The following PLS1 variants were observed in gnomAD, a reference collection of about 807,000 sequenced individuals.
The protein encoded by PLS1 is plastin-1.
A neutral mutation model predicts 73.7 loss-of-function variants in PLS1; 32 were observed. The ratio of observed to expected loss-of-function variants is 0.43; its 90% CI spans 0.33 to 0.58. The LOEUF is 0.58. Ranked by LOEUF, PLS1 falls within the 20% of genes least tolerant of loss-of-function variation. The pLI, the probability that PLS1 is intolerant of heterozygous loss-of-function variation, is 0.04. For missense variants in PLS1, 633 were observed against 740.5 expected, an observed-to-expected ratio of 0.85 and a Z score of 1.68; for synonymous variants, 217 against 261.3, an observed-to-expected ratio of 0.83 and a Z score of 1.63.
At chr3:142,655,831 T>C (rs1371700204) in intron 1 of PLS1, among the ~76,000 whole-genome samples, 1 of 152,122 alleles carries the variant, frequency 6.6e-6, no homozygotes, top group Non-Finnish European at 1.5e-5. Context: ...TGGTGCATAA[T>C]TGAAGTTCTC....
At chr3:142,639,016 C>T (rs1288385565) in intron 1 of PLS1, among the ~76,000 whole-genome samples, 1 of 152,174 alleles carries the variant, frequency 6.6e-6, no homozygotes, top group East Asian at 1.9e-4. Context: ...GCTGGGATTA[C>T]AGGTGTGAGC....
chr3:142,678,613 T>C (rs1428211430), intron 6 of PLS1, among the ~76,000 whole-genome samples: 39 of 151,374 alleles, frequency 2.6e-4, no homozygotes, highest in African/African-American at 8.9e-4. Context: ...CATCATTTTT[T>C]ATGGCTGCAT....
intron 1 of PLS1, among the ~76,000 whole-genome samples, chr3:142,631,236 C>T (rs1009926198): frequency 6.6e-6 from 1 of 151,210 alleles, no homozygotes; most frequent in African/African-American, 2.4e-5. Context: ...AAAAAAAGGC[C>T]AGCATGGTGG....
chr3:142,624,609 G>A (rs1187899928), intron 1 of PLS1, among the ~76,000 whole-genome samples: 2 of 152,204 alleles, frequency 1.3e-5, no homozygotes, highest in Non-Finnish European at 2.9e-5. Flanking sequence ...AAAGAGGCCA[G>A]CTTTTAAAAA....
chr3:142,623,576 T>G (rs1041875435), intron 1 of PLS1: 1 of 152,194 alleles, frequency 6.6e-6, no homozygotes, highest in Non-Finnish European at 1.5e-5. Flanking sequence ...TACAAAAATT[T>G]ATCTCTGTCA....
chr3:142,669,617 A>G (rs1254876436), intron 3 of PLS1, 64 bp downstream of exon 3: 2 of 1,115,020 alleles, frequency 1.8e-6, no homozygotes, highest in Non-Finnish European at 1.3e-6. Context: ...TAGTAATGTC[A>G]TCACTAGCTT....
At chr3:142,701,551 C>T (rs1257485045) in intron 12 of PLS1, among the ~76,000 whole-genome samples, 1 of 152,192 alleles carries the variant, frequency 6.6e-6, no homozygotes, top group African/African-American at 2.4e-5. Flanking sequence ...CATTCTTTCT[C>T]TAGTTTGGTA....
chr3:142,704,209 C>T (rs186538919), intron 13 of PLS1, among the ~76,000 whole-genome samples: 255 of 152,214 alleles, frequency 1.7e-3, no homozygotes, highest in African/African-American at 5.3e-3. Flanking sequence ...AACACTATCA[C>T]TTTTATTAAT....
intron 1 of PLS1, among the ~76,000 whole-genome samples, chr3:142,655,404 T>C (rs943554231): frequency 6.6e-6 from 1 of 152,050 alleles, no homozygotes; most frequent in African/African-American, 2.4e-5. Flanking sequence ...TTTGTTTTTG[T>C]AGGAGATTGT....
At chr3:142,685,280 C>T (rs2037940658) in intron 8 of PLS1, among the ~76,000 whole-genome samples, 1 of 152,202 alleles carries the variant, frequency 6.6e-6, no homozygotes. Flanking sequence ...GGGCATTATG[C>T]CCAGGCGATG....
intron 6 of PLS1, among the ~76,000 whole-genome samples, chr3:142,683,739 A>G (rs2037903779): frequency 6.6e-6 from 1 of 152,216 alleles, no homozygotes; most frequent in Admixed American, 6.5e-5. Context: ...ACATCCAGGT[A>G]GACATAACCA....
intron 11 of PLS1, among the ~76,000 whole-genome samples, chr3:142,697,390 G>C (rs543311669): frequency 6.6e-6 from 1 of 152,198 alleles, no homozygotes; most frequent in South Asian, 2.1e-4. Flanking sequence ...AAGTATGTAA[G>C]TATATGGAAT....
At chr3:142,667,004 G>A (rs1224942749) in intron 2 of PLS1, among the ~76,000 whole-genome samples, 2 of 152,154 alleles carry the variant, frequency 1.3e-5, no homozygotes, top group Non-Finnish European at 2.9e-5. Flanking sequence ...TTGTCGAGTT[G>A]TAAGAAAGTC....
At chr3:142,604,870 G>A (rs1186842478) in intron 1 of PLS1, among the ~76,000 whole-genome samples, 2 of 151,534 alleles carry the variant, frequency 1.3e-5, no homozygotes, top group Non-Finnish European at 2.9e-5. Flanking sequence ...GGGAGGCAGA[G>A]CTTGCAGTGA....
chr3:142,655,899 A>G, intron 1 of PLS1, among the ~76,000 whole-genome samples: 1 of 152,234 alleles, frequency 6.6e-6, no homozygotes, highest in African/African-American at 2.4e-5. Context: ...TGAAAATAAA[A>G]TTGTCTTTTT....
intron 1 of PLS1, among the ~76,000 whole-genome samples, chr3:142,615,287 G>A (rs1433060640): frequency 6.6e-6 from 1 of 152,112 alleles, no homozygotes; most frequent in African/African-American, 2.4e-5. Context: ...GGTGGTAAAA[G>A]CATGTTCCAC....
At chr3:142,600,140 T>G in intron 1 of PLS1, among the ~76,000 whole-genome samples, 1 of 152,050 alleles carries the variant, frequency 6.6e-6, no homozygotes, top group East Asian at 1.9e-4. Context: ...GGGGGAAATT[T>G]GGTGGTCGAT....
chr3:142,666,663 G>A (rs1470897046), intron 2 of PLS1, among the ~76,000 whole-genome samples: 1 of 152,184 alleles, frequency 6.6e-6, no homozygotes, highest in Non-Finnish European at 1.5e-5. Context: ...TGTAAACATA[G>A]TAGCGGAATT....
chr3:142,691,326 C>T lies in PLS1; in HGVS notation c.1177+1513C>T, dbSNP rs143651170. 1.6e-3 allele frequency among the ~76,000 whole-genome samples: 241 copies of T among 150,532 alleles called. 1 individual carries two copies. Among genetic ancestry groups the T allele is most frequent in the African/African-American group, 5.5e-3 (227 of 40,998 alleles). Reference sequence around the variant, plus strand: ...TAGACAAAAAATGTAGATTTTTCAGCGAAGAGAAATTTAGGGTGAGAGATT... The same window carrying T: ...TAGACAAAAAATGTAGATTTTTCAGTGAAGAGAAATTTAGGGTGAGAGATT... On this transcript the variant is annotated intron_variant, in intron 10 of 15. Transcript: ENST00000457734.
Sources: allele counts gnomAD v4.1 joint callset (sites outside exome capture counted in the v4.1 genomes callset), GRCh38; gene constraint gnomAD v4.1.1; transcripts MANE v1.5; gene names NCBI Gene and HGNC (gene_info 2026-07-23, HGNC 2026-07-21).